The following WDR35 variants were observed in gnomAD, a reference collection of about 807,000 sequenced individuals.
WDR35 encodes WD repeat-containing protein 35.
A neutral mutation model predicts 158.3 loss-of-function variants in WDR35; 118 were observed. The observed-to-expected ratio is 0.75, with a 90% CI of 0.64 to 0.87. The LOEUF is 0.87. WDR35 is among the 40% of genes least tolerant of loss of function. The probability of loss-of-function intolerance (pLI) is 0.00; values close to 1 mark genes in which losing one functional copy is unlikely to be tolerated. For missense variants in WDR35, 1,263 were observed against 1,405.8 expected, an observed-to-expected ratio of 0.90 and a Z score of 1.62; for synonymous variants, 448 against 476.1, an observed-to-expected ratio of 0.94 and a Z score of 0.77.
At chr2:19,941,008 A>G (rs995053715) in intron 17 of WDR35, among the ~76,000 whole-genome samples, 1 of 152,218 alleles carries the variant, frequency 6.6e-6, no homozygotes, top group African/African-American at 2.4e-5. Flanking sequence ...ACAATAAAAT[A>G]GCCATAATTT....
rs900437584 is a variant in WDR35 at position 19,969,522 on chromosome 2, A to G, written c.966T>C (p.Val322=). Reference sequence around the variant, plus strand: ...TGTTTGCAAAATATATAAAGGAATCAACAGCTAGTGCAATTTTCAGTCCAC... The same window carrying G: ...TGTTTGCAAAATATATAAAGGAATCGACAGCTAGTGCAATTTTCAGTCCAC... ...EGGGLKIALA[V]DSFIYFANIR... is the part of the protein sequence containing the mutation. The change falls in exon 9 of 27, where the codon GTT becomes GTC. Residue 322 remains valine (V), a synonymous_variant. Coordinates refer to ENST00000281405, the MANE Select transcript of WDR35 (RefSeq NM_020779.4). 6.2e-7 allele frequency: 1 copy of G among 1,613,810 alleles called. No individual in the cohort carries two copies. The highest frequency in any genetic ancestry group is 8.5e-7 in the Non-Finnish European group (1 of 1,179,810).
At position 19,935,466 on chromosome 2, in the gene WDR35, C is replaced by T; in HGVS notation, c.2547+5G>A. On this transcript the variant is annotated splice_donor_5th_base_variant and intron_variant, in intron 21 of 26. Coordinates refer to ENST00000281405, the MANE Select transcript of WDR35 (RefSeq NM_020779.4). ...ATTCCAAAAACTAAAATTTGCAATA[C>T]CTACTGGAAGTAACTTGTGGTTTTC... is the stretch of plus-strand genomic sequence containing the variant. 6.2e-7 allele frequency: 1 copy of T among 1,612,352 alleles called. No individual in the cohort carries two copies. The highest frequency in any genetic ancestry group is 2.2e-5 in the East Asian group (1 of 44,748).
chr2:19,932,371 T>C lies in WDR35; in HGVS notation c.2735A>G (p.His912Arg), dbSNP rs2103398420. 1.9e-6 allele frequency: 3 copies of C among 1,612,690 alleles called. No homozygotes were observed. The highest frequency in any genetic ancestry group is 2.5e-6 in the Non-Finnish European group (3 of 1,178,942). Residue 912 changes from histidine to arginine, a missense_variant, in exon 23 of 27, where the codon CAT becomes CGT. By Grantham distance (29) the His-to-Arg change is conservative. Coordinates refer to ENST00000281405, the MANE Select transcript of WDR35 (RefSeq NM_020779.4). ...AAGAGTTTTATTCTTTTCCAGTAAATGAGATGCATACCTAGCTAACAGAGA... is the reference window on the plus strand; with the variant it reads ...AAGAGTTTTATTCTTTTCCAGTAAACGAGATGCATACCTAGCTAACAGAGA... ...IGSLLARYAS[H>R]LLEKNKTLDA...
At chr2:19,963,022 C>T (rs1203165894) in intron 10 of WDR35, among the ~76,000 whole-genome samples, 1 of 152,166 alleles carries the variant, frequency 6.6e-6, no homozygotes, top group African/African-American at 2.4e-5. Context: ...CTCCACAAAT[C>T]TAAGTAACGT....
At chr2:19,965,988 A>T (rs1671839540) in intron 10 of WDR35, among the ~76,000 whole-genome samples, 1 of 152,016 alleles carries the variant, frequency 6.6e-6, no homozygotes, top group Non-Finnish European at 1.5e-5. Context: ...ACCTACTCTA[A>T]CCTACAAAAT....
At chr2:19,925,290 T>G (rs1169256816) in intron 25 of WDR35, among the ~76,000 whole-genome samples, 1 of 152,232 alleles carries the variant, frequency 6.6e-6, no homozygotes, top group African/African-American at 2.4e-5. Flanking sequence ...TATATCTACT[T>G]CTGTTCCCTA....
chr2:19,928,365 G>A (rs144992820), intron 25 of WDR35, among the ~76,000 whole-genome samples: 2 of 152,252 alleles, frequency 1.3e-5, no homozygotes, highest in East Asian at 3.9e-4. Context: ...TAATAAATAC[G>A]TGGGTAAATC....
chr2:19,977,678 T>C (rs551011085), intron 5 of WDR35, among the ~76,000 whole-genome samples: 1 of 152,288 alleles, frequency 6.6e-6, no homozygotes, highest in Admixed American at 6.5e-5. Context: ...CTCCCATTCT[T>C]AAAACTTTTC....
At chr2:19,962,447 G>A in intron 10 of WDR35, 1 of 941,570 alleles carries the variant, frequency 1.1e-6, no homozygotes, top group Non-Finnish European at 1.7e-6. Context: ...ACCAATATTA[G>A]GAAAATAATC....
At chr2:19,945,323 G>A (rs941414471) in intron 16 of WDR35, among the ~76,000 whole-genome samples, 2 of 152,120 alleles carry the variant, frequency 1.3e-5, no homozygotes, top group African/African-American at 4.8e-5. Flanking sequence ...ATTTGTGAAC[G>A]ATATGGTAAA....
chr2:19,948,599 T>C (rs911989599), intron 13 of WDR35, among the ~76,000 whole-genome samples: 1 of 152,008 alleles, frequency 6.6e-6, no homozygotes, highest in Admixed American at 6.5e-5. Flanking sequence ...GGCCAGCACA[T>C]ACTAAATTGA....
chr2:19,986,668 T>C (rs1318985566), intron 2 of WDR35, among the ~76,000 whole-genome samples: 1 of 151,880 alleles, frequency 6.6e-6, no homozygotes, highest in African/African-American at 2.4e-5. Context: ...AGAGGATAAA[T>C]TGGCAGAAAG....
chr2:19,987,907 C>G (rs900966113), intron 2 of WDR35, among the ~76,000 whole-genome samples: 2 of 150,216 alleles, frequency 1.3e-5, no homozygotes, highest in African/African-American at 4.9e-5. Flanking sequence ...TATATACACA[C>G]GTATATATAT....
chr2:19,941,436 C>T (rs2103410091), intron 17 of WDR35, among the ~76,000 whole-genome samples: 1 of 152,130 alleles, frequency 6.6e-6, no homozygotes. Flanking sequence ...TTTTTTTTAG[C>T]TCTCACTTGG....
chr2:19,931,193 A>G (rs1014772190), intron 24 of WDR35, 76 bp downstream of exon 24: 2 of 1,522,930 alleles, frequency 1.3e-6, no homozygotes, highest in Non-Finnish European at 1.8e-6. Context: ...TATCCATAAA[A>G]GAAGTTTAAT....
intron 2 of WDR35, among the ~76,000 whole-genome samples, chr2:19,985,100 C>T (rs1558363113): frequency 6.6e-6 from 1 of 152,208 alleles, no homozygotes; most frequent in Non-Finnish European, 1.5e-5. Context: ...TCACTGCCTG[C>T]AGGTACCGGA....
chr2:19,924,178 T>C (rs377257732), intron 25 of WDR35, among the ~76,000 whole-genome samples: 2 of 152,282 alleles, frequency 1.3e-5, no homozygotes, highest in Admixed American at 6.5e-5. Flanking sequence ...AATCCCTTTA[T>C]GTGGAGAACA....
chr2:19,922,838 T>C (rs1273328843), intron 25 of WDR35, among the ~76,000 whole-genome samples: 1 of 152,172 alleles, frequency 6.6e-6, no homozygotes, highest in Non-Finnish European at 1.5e-5. Flanking sequence ...AGGTTCATGA[T>C]GGCCATAACA....
chr2:19,911,924 G>A lies in WDR35; in HGVS notation c.*1634C>T, dbSNP rs891243085. ...GACTAATAGGCAAGCTATTGCTGTG[G>A]TGAAGTGTACTTGCCCCTGACACCC... On this transcript the variant is annotated 3_prime_UTR_variant, in exon 27 of 27. Coordinates refer to ENST00000281405, the MANE Select transcript of WDR35 (RefSeq NM_020779.4). 5 of 152,208 alleles carry A rather than the reference G, an allele frequency of 3.3e-5. No individual in the cohort carries two copies. Among genetic ancestry groups the A allele is most frequent in the Non-Finnish European group, 7.3e-5 (5 of 68,038 alleles). The allele number at this position is 152,208 out of a possible 1,614,324, so 9.4% of individuals were successfully genotyped here.
Sources: allele counts gnomAD v4.1 joint callset (sites outside exome capture counted in the v4.1 genomes callset), GRCh38; gene constraint gnomAD v4.1.1; transcripts MANE v1.5; gene names NCBI Gene and HGNC (gene_info 2026-07-23, HGNC 2026-07-21).